The following PTER variants were observed in gnomAD, a reference collection of about 807,000 sequenced individuals.
PTER encodes the protein phosphotriesterase related, also known as N-acetyltaurine hydrolase.
A neutral mutation model predicts 29.6 loss-of-function variants in PTER; 38 were observed. That is an observed-to-expected ratio of 1.28 (90% CI 0.99 to 1.68). The LOEUF is 1.68. Ranked by LOEUF, PTER falls within the 40% of genes most tolerant of loss-of-function variation. PTER has a pLI of 0.00. For synonymous variants in PTER, 172 were observed against 154.5 expected (o/e 1.11, Z -0.84); for missense variants, 482 against 427.8 (o/e 1.13, Z -1.12).
At chr10:16,447,657 A>C (rs888358160) in intron 1 of PTER, among the ~76,000 whole-genome samples, 1 of 152,248 alleles carries the variant, frequency 6.6e-6, no homozygotes, top group African/African-American at 2.4e-5. Context: ...AAAGCTTTGT[A>C]AGTGGCTATA....
rs527788329 is a variant in PTER at position 16,489,337 on chromosome 10, C to G, written c.698+2720C>G. On this transcript the variant is annotated intron_variant, in intron 3 of 4. Coordinates refer to ENST00000535784, the MANE Select transcript of PTER (RefSeq NM_001261836.2). Reference sequence around the variant, plus strand: ...TCCTTTCAACATGGTTTCGATTCAACCTTTAAAAAAATATTAAACATACAA... The same window carrying G: ...TCCTTTCAACATGGTTTCGATTCAAGCTTTAAAAAAATATTAAACATACAA... Among the ~76,000 whole-genome samples, 6 of 152,166 alleles carry G rather than the reference C, an allele frequency of 3.9e-5. No homozygotes were observed. The South Asian group carries it at 1.2e-3, about 32-fold the overall frequency.
At chr10:16,464,589 G>GTCAGTATTT (rs1834739660) in intron 1 of PTER, among the ~76,000 whole-genome samples, 2 of 152,162 alleles carry the variant, frequency 1.3e-5, no homozygotes, top group African/African-American at 4.8e-5. Context: ...AAGCCCTTGT[G>GTCAGTATTT]TCAGTATTTT....
chr10:16,502,245 C>T (rs1836378884), intron 3 of PTER, among the ~76,000 whole-genome samples: 1 of 152,214 alleles, frequency 6.6e-6, no homozygotes, highest in South Asian at 2.1e-4. Flanking sequence ...AATTAACACA[C>T]TGAATTTACT....
chr10:16,496,823 G>T (rs1025361874), intron 3 of PTER, among the ~76,000 whole-genome samples: 5 of 152,142 alleles, frequency 3.3e-5, no homozygotes, highest in African/African-American at 9.7e-5. Context: ...TAGATGGATG[G>T]ATAGATGGAT....
At chr10:16,495,998 C>T (rs911021140) in intron 3 of PTER, among the ~76,000 whole-genome samples, 6 of 152,174 alleles carry the variant, frequency 3.9e-5, no homozygotes, top group Admixed American at 2.0e-4. Flanking sequence ...TCTCCTCCTG[C>T]GTGGCTGTCC....
At chr10:16,493,884 T>C (rs1323723948) in intron 3 of PTER, among the ~76,000 whole-genome samples, 2 of 152,218 alleles carry the variant, frequency 1.3e-5, no homozygotes, top group Non-Finnish European at 2.9e-5. Flanking sequence ...TTGTGGAGTA[T>C]TCCAGATTAT....
intron 1 of PTER, among the ~76,000 whole-genome samples, chr10:16,459,610 A>G (rs771775192): frequency 6.6e-6 from 1 of 152,198 alleles, no homozygotes; most frequent in Admixed American, 6.5e-5. Flanking sequence ...AGCAGCTCGT[A>G]TGTATTCCCT....
chr10:16,471,870 AAGAC>A (rs1203517143), intron 1 of PTER, among the ~76,000 whole-genome samples: 1 of 152,194 alleles, frequency 6.6e-6, no homozygotes, highest in African/African-American at 2.4e-5. Context: ...ATATTCTCTT[AAGAC>A]AGATTCTCAC....
At chr10:16,465,083 A>G (rs984191185) in intron 1 of PTER, among the ~76,000 whole-genome samples, 3 of 152,194 alleles carry the variant, frequency 2.0e-5, no homozygotes, top group Non-Finnish European at 4.4e-5. Context: ...GGGTCCCTCC[A>G]TGACATATGG....
chr10:16,506,251 T>A (rs904938291), intron 4 of PTER, among the ~76,000 whole-genome samples: 18 of 151,744 alleles, frequency 1.2e-4, no homozygotes, highest in African/African-American at 1.7e-4. Context: ...GGAGAGAGGA[T>A]GTTGAGGTGA....
chr10:16,450,637 A>G (rs1169397490), intron 1 of PTER, among the ~76,000 whole-genome samples: 1 of 152,058 alleles, frequency 6.6e-6, no homozygotes, highest in East Asian at 1.9e-4. Context: ...ATTTTCCACA[A>G]TTTCAGCCCT....
chr10:16,480,071 T>A (rs957104857), intron 1 of PTER, among the ~76,000 whole-genome samples: 1 of 141,580 alleles, frequency 7.1e-6, no homozygotes, highest in African/African-American at 2.6e-5. Flanking sequence ...AACCTAATAC[T>A]ATGAGTAGAA....
rs1036842358 is a variant in PTER, at chr10:16,438,152, C to T, written c.-49+1105C>T. On this transcript the variant is annotated intron_variant, in intron 1 of 4. Transcript: ENST00000535784. ...TTCTGAGTGGCTGGGACTACAGGCGCGCTCCACCACACACAGCTAATTTTT... is the reference window on the plus strand; with the variant it reads ...TTCTGAGTGGCTGGGACTACAGGCGTGCTCCACCACACACAGCTAATTTTT... 2.7e-5 allele frequency among the ~76,000 whole-genome samples: 4 copies of T among 148,918 alleles called. 1 individual carries two copies. In the South Asian group the frequency reaches 8.7e-4, roughly 33 times the overall value.
chr10:16,514,329 C>T (rs1459563787), downstream of PTER: 2 of 587,870 alleles, frequency 3.4e-6, no homozygotes, highest in Non-Finnish European at 3.0e-6. Context: ...GTGGATCACA[C>T]ATCTGCTTAT....
intron 3 of PTER, among the ~76,000 whole-genome samples, chr10:16,492,525 T>C: frequency 6.6e-6 from 1 of 152,222 alleles, no homozygotes. Context: ...ATTTTATCCT[T>C]AATGGACTAT....
At chr10:16,483,214 C>T (rs1242033223) in intron 1 of PTER, among the ~76,000 whole-genome samples, 2 of 152,100 alleles carry the variant, frequency 1.3e-5, no homozygotes, top group East Asian at 3.8e-4. Context: ...GAAAGCAAAT[C>T]GAGGATAGAG....
chr10:16,498,740 G>A (rs1347716539), intron 3 of PTER, among the ~76,000 whole-genome samples: 1 of 152,134 alleles, frequency 6.6e-6, no homozygotes, highest in Non-Finnish European at 1.5e-5. Context: ...CTCATCTGCT[G>A]GATGGCACAC....
Position 16,484,712 on chromosome 10 carries a change from T to C in PTER, c.328T>C (p.Leu110=), listed in dbSNP as rs1835621797. 6.2e-7 allele frequency: 1 copy of C among 1,614,014 alleles called. No individual in the cohort carries two copies. The highest frequency in any genetic ancestry group is 1.3e-5 in the African/African-American group (1 of 74,912). ...TTGISRDTQT[L]KRLAEETGVH... is the part of the protein sequence containing the mutation. ...TGGGATTAGCCGAGACACACAGACGTTGAAGAGGCTTGCAGAAGAGACTGG... is the reference window on the plus strand; with the variant it reads ...TGGGATTAGCCGAGACACACAGACGCTGAAGAGGCTTGCAGAAGAGACTGG... The change falls in exon 2 of 5, where the codon TTG becomes CTG. Residue 110 remains leucine, a synonymous_variant. Transcript: ENST00000535784.
intron 1 of PTER, among the ~76,000 whole-genome samples, chr10:16,470,900 G>A (rs1835026340): frequency 6.6e-6 from 1 of 151,446 alleles, no homozygotes; most frequent in Admixed American, 6.6e-5. Flanking sequence ...TAAAAATGAT[G>A]ACTGACACTT....
Sources: gnomAD v4.1 joint callset for allele counts (sites outside exome capture counted in the v4.1 genomes callset) on GRCh38, gnomAD v4.1.1 for gene constraint, MANE v1.5 for transcripts, NCBI Gene and HGNC (gene_info 2026-07-23, HGNC 2026-07-21) for gene names.